XKR4: variants seen among roughly 807,000 people sequenced by gnomAD.
XKR4 encodes the protein XK related 4.
In XKR4, 12 loss-of-function variants were observed where a neutral mutation model predicts 53.9. The observed-to-expected ratio is 0.22, with a 90% CI of 0.14 to 0.36. The LOEUF (loss-of-function observed/expected upper bound fraction) is 0.36. Ranked by LOEUF, XKR4 falls within the 10% of genes least tolerant of loss-of-function variation. The probability of loss-of-function intolerance (pLI) is 1.00; values close to 1 mark genes in which losing one functional copy is unlikely to be tolerated. For synonymous variants in XKR4, 354 were observed against 362.4 expected (o/e 0.98, Z 0.26); for missense variants, 799 against 859.5 (o/e 0.93, Z 0.88).
intron 2 of XKR4, among the ~76,000 whole-genome samples, chr8:55,389,335 A>G (rs565982000): frequency 2.0e-5 from 3 of 152,196 alleles, no homozygotes; most frequent in Non-Finnish European, 4.4e-5. Context: ...CCTGATAGGA[A>G]ATGATTTCTT....
chr8:55,308,794 T>G (rs1044705680), intron 1 of XKR4, among the ~76,000 whole-genome samples: 8 of 152,186 alleles, frequency 5.3e-5, no homozygotes, highest in African/African-American at 1.9e-4. Context: ...CTCTCAAAGA[T>G]GTCCACATCA....
intron 2 of XKR4, among the ~76,000 whole-genome samples, chr8:55,435,881 A>AGTTTC (rs1805170202): frequency 2.0e-5 from 3 of 152,264 alleles, no homozygotes; most frequent in African/African-American, 7.2e-5. Flanking sequence ...ACTCAGATAT[A>AGTTTC]AGTTAGCTGC....
chr8:55,471,304 G>A (rs757597299), intron 2 of XKR4, among the ~76,000 whole-genome samples: 1 of 152,078 alleles, frequency 6.6e-6, no homozygotes, highest in Non-Finnish European at 1.5e-5. Flanking sequence ...AGGACAAGTA[G>A]GAAAGGATTA....
At chr8:55,142,063 G>C in intron 1 of XKR4, 1 of 455,916 alleles carries the variant, frequency 2.2e-6, no homozygotes, top group Admixed American at 2.3e-5. Context: ...CAACAGCCTT[G>C]CAGCCTCCCT....
At chr8:55,231,517 G>A (rs576183736) in intron 1 of XKR4, among the ~76,000 whole-genome samples, 8 of 152,116 alleles carry the variant, frequency 5.3e-5, no homozygotes, top group Admixed American at 5.2e-4. Flanking sequence ...AGTGATCATG[G>A]CTCACTGCTT....
intron 1 of XKR4, among the ~76,000 whole-genome samples, chr8:55,162,557 C>G (rs1333591521): frequency 6.6e-6 from 1 of 152,144 alleles, no homozygotes; most frequent in Non-Finnish European, 1.5e-5. Context: ...TTACTCAAAG[C>G]ATGGTACATA....
At chr8:55,191,578 T>C (rs1431021532) in intron 1 of XKR4, among the ~76,000 whole-genome samples, 3 of 152,168 alleles carry the variant, frequency 2.0e-5, no homozygotes, top group Non-Finnish European at 4.4e-5. Flanking sequence ...AAATAGTCAT[T>C]AAGTCGTTCA....
rs1198920758 is a variant in XKR4, at chr8:55,541,656, G to C, written c.*17429G>C. ...GTGCCTGGACCTGAATGATCATCTT[G>C]GCAGTTCTTGTGCTTTTACTTTGTA... On this transcript the variant is annotated 3_prime_UTR_variant, in exon 3 of 3. Transcript: ENST00000327381. The C allele has an allele frequency of 6.6e-6, 1 of 152,104 alleles. No homozygotes were observed. The highest frequency in any genetic ancestry group is 1.5e-5 in the Non-Finnish European group (1 of 68,024). The allele number at this position is 152,104 out of a possible 1,614,324, so 9.4% of individuals were successfully genotyped here. A position where few individuals can be genotyped will look rare whatever the true frequency, so the allele number is the denominator to read the frequency against.
At chr8:55,190,193 G>A (rs1278606125) in intron 1 of XKR4, among the ~76,000 whole-genome samples, 1 of 152,208 alleles carries the variant, frequency 6.6e-6, no homozygotes, top group Non-Finnish European at 1.5e-5. Context: ...GCATGTGGGA[G>A]CAGAAGTGGG....
intron 1 of XKR4, among the ~76,000 whole-genome samples, chr8:55,111,602 A>C (rs1425565331): frequency 6.6e-6 from 1 of 152,212 alleles, no homozygotes; most frequent in African/African-American, 2.4e-5. Context: ...TAATCAAATA[A>C]AACAATTTTC....
intron 2 of XKR4, among the ~76,000 whole-genome samples, chr8:55,474,737 C>T (rs1805947944): frequency 1.3e-5 from 2 of 152,100 alleles, no homozygotes; most frequent in Non-Finnish European, 2.9e-5. Context: ...GAGGCTCTGC[C>T]AAAATGGTCC....
intron 2 of XKR4, among the ~76,000 whole-genome samples, chr8:55,382,633 T>A (rs1804252272): frequency 6.6e-6 from 1 of 152,156 alleles, no homozygotes; most frequent in Non-Finnish European, 1.5e-5. Context: ...ATAAGCATCT[T>A]AAGGGGGGGA....
chr8:55,241,417 C>T (rs1174624917), intron 1 of XKR4, among the ~76,000 whole-genome samples: 1 of 152,066 alleles, frequency 6.6e-6, no homozygotes, highest in Non-Finnish European at 1.5e-5. Context: ...ATTTTTTAAG[C>T]CCTGAAAAGC....
intron 2 of XKR4, among the ~76,000 whole-genome samples, chr8:55,514,307 A>G (rs981503321): frequency 7.6e-6 from 1 of 131,528 alleles, no homozygotes; most frequent in Non-Finnish European, 1.5e-5. Context: ...CCCAGGCTGG[A>G]GTGCAGTGGC....
At chr8:55,143,798 G>A (rs956431815) in intron 1 of XKR4, among the ~76,000 whole-genome samples, 25 of 152,126 alleles carry the variant, frequency 1.6e-4, no homozygotes, top group East Asian at 7.7e-4. Context: ...GTTCTTCTGC[G>A]GGCATGTCAG....
chr8:55,276,719 A>G (rs147102617), intron 1 of XKR4, among the ~76,000 whole-genome samples: 2 of 152,344 alleles, frequency 1.3e-5, no homozygotes, highest in African/African-American at 4.8e-5. Flanking sequence ...TATTTCAGTA[A>G]ATATTGGGCA....
At chr8:55,203,251 G>A (rs546742685) in intron 1 of XKR4, among the ~76,000 whole-genome samples, 4 of 152,322 alleles carry the variant, frequency 2.6e-5, no homozygotes, top group East Asian at 1.9e-4. Context: ...TGCTGTCCTC[G>A]CTTCTCTGCC....
At position 55,392,647 on chromosome 8, in the gene XKR4, C is replaced by T. The variant is rs574103498; in HGVS notation, c.1006+34770C>T. 9.2e-5 allele frequency among the ~76,000 whole-genome samples: 14 copies of T among 152,156 alleles called. 1 individual carries two copies. The South Asian group carries it at 2.7e-3, about 29-fold the overall frequency. On this transcript the variant is annotated intron_variant, in intron 2 of 2. Coordinates refer to ENST00000327381, the MANE Select transcript of XKR4 (RefSeq NM_052898.2). The stretch of plus-strand genomic sequence containing the variant: ...TTCTACAAAAAGTACAAAAATTAGC[C>T]AGGTGTGGTGGCGCATGCCTATAGT...
chr8:55,158,860 C>T (rs140924522), intron 1 of XKR4, among the ~76,000 whole-genome samples: 1 of 152,280 alleles, frequency 6.6e-6, no homozygotes, highest in Non-Finnish European at 1.5e-5. Flanking sequence ...TGTACCAATA[C>T]CATGCTGTTT....
Sources: gnomAD v4.1 joint callset for allele counts (sites outside exome capture counted in the v4.1 genomes callset) on GRCh38, gnomAD v4.1.1 for gene constraint, MANE v1.5 for transcripts, NCBI Gene and HGNC (gene_info 2026-07-23, HGNC 2026-07-21) for gene names.